Variants in BCL11B observed in about 807,000 individuals in gnomAD.
BCL11B encodes B-cell lymphoma/leukemia 11B.
A neutral mutation model predicts 49.9 loss-of-function variants in BCL11B; 8 were observed. The ratio of observed to expected loss-of-function variants is 0.16; its 90% CI spans 0.09 to 0.29. BCL11B has a LOEUF of 0.29. BCL11B is among the 10% of genes least tolerant of loss of function. The pLI is 1.00. For synonymous variants in BCL11B, 739 were observed against 637.4 expected, an observed-to-expected ratio of 1.16 and a Z score of -2.40; for missense variants, 1,006 against 1,351.0, an observed-to-expected ratio of 0.74 and a Z score of 4.00.
At chr14:99,185,666 A>AC (rs1267074136) in intron 3 of BCL11B, among the ~76,000 whole-genome samples, 1 of 151,836 alleles carries the variant, frequency 6.6e-6, no homozygotes, top group Admixed American at 6.5e-5. Flanking sequence ...GCAAATATAT[A>AC]CCCAAGAGCA....
At position 99,172,068 on chromosome 14, in the gene BCL11B, TACAC is replaced by T. The variant is rs945679368; in HGVS notation, c.*2079_*2082del. 12 of 217,218 alleles carry T rather than the reference TACAC, an allele frequency of 5.5e-5. No homozygotes were observed. Among genetic ancestry groups the T allele is most frequent in the Admixed American group, 2.3e-4 (4 of 17,226 alleles). 13.5% of individuals were successfully genotyped at this position (217,218 alleles called of 1,614,324 possible). ...AAAAAAAAGATCGCTCCAACACACA[TACAC>T]ACAATTTTTTTTTTACCCTTGTATG... is the stretch of plus-strand genomic sequence containing the variant. On this transcript the variant is annotated 3_prime_UTR_variant, in exon 4 of 4. Transcript: ENST00000357195.
In BCL11B at chr14:99,194,417, G is replaced by T. The variant is rs552446923; in HGVS notation, c.641-18222C>A. ...GGCAGGGCCAGGAAGATGCCTGTAG[G>T]CATGGCCAGAGCTCTGTCCTTCTCG... is the stretch of plus-strand genomic sequence containing the variant. On this transcript the variant is annotated intron_variant, in intron 3 of 3. Coordinates refer to ENST00000357195, the MANE Select transcript of BCL11B (RefSeq NM_138576.4). This position sits in a 1 kb window ranked among gnomAD's most constrained non-coding sequence, Gnocchi z 4.6. Among the ~76,000 whole-genome samples, 2 of 152,334 alleles carry T rather than the reference G, an allele frequency of 1.3e-5. No homozygotes were observed. The highest frequency in any genetic ancestry group is 4.1e-4 in the South Asian group (2 of 4,824).
At chr14:99,253,567 T>A (rs2139944177) in intron 2 of BCL11B, among the ~76,000 whole-genome samples, 1 of 152,150 alleles carries the variant, frequency 6.6e-6, no homozygotes, top group South Asian at 2.1e-4. Context: ...GCTCAGAAGG[T>A]CAAGTGGCTG....
rs1413533038 is a variant in BCL11B, at chr14:99,176,038, C to A, written c.798G>T (p.Pro266=). Residue 266 remains proline (P), a synonymous_variant, in exon 4 of 4, where the codon CCG becomes CCT. Coordinates refer to ENST00000357195, the MANE Select transcript of BCL11B (RefSeq NM_138576.4). ...CCACGGCCTCCGGCCCGAGCGGCGGCGGGATGGTGAGCCGCGGCGTGAGCG... is the reference window on the plus strand; with the variant it reads ...CCACGGCCTCCGGCCCGAGCGGCGGAGGGATGGTGAGCCGCGGCGTGAGCG... ...SSSLTPRLTI[P]PPLGPEAVAQ... The A allele has an allele frequency of 2.1e-5, 33 of 1,587,708 alleles. No homozygotes were observed. Among genetic ancestry groups the A allele is most frequent in the Non-Finnish European group, 2.8e-5 (33 of 1,167,016 alleles).
intron 3 of BCL11B, among the ~76,000 whole-genome samples, chr14:99,227,664 G>A (rs1286907850): frequency 6.6e-6 from 1 of 152,100 alleles, no homozygotes; most frequent in Non-Finnish European, 1.5e-5. Context: ...GTTTTCAAAT[G>A]TTGCATACAT....
chr14:99,199,728 A>T (rs919787063), intron 3 of BCL11B, among the ~76,000 whole-genome samples: 2 of 134,042 alleles, frequency 1.5e-5, no homozygotes, highest in African/African-American at 5.1e-5. Flanking sequence ...GTGCATGCAT[A>T]TGTGTGTGTG....
intron 2 of BCL11B, among the ~76,000 whole-genome samples, chr14:99,237,958 G>A (rs1351019695): frequency 6.6e-6 from 1 of 151,886 alleles, no homozygotes; most frequent in African/African-American, 2.4e-5. Flanking sequence ...GTTCACCAGG[G>A]GCCTCCAGGA....
At chr14:99,190,930 G>C (rs937205613) in intron 3 of BCL11B, among the ~76,000 whole-genome samples, 9 of 151,690 alleles carry the variant, frequency 5.9e-5, no homozygotes, top group African/African-American at 2.2e-4. Flanking sequence ...CCTCAAATTA[G>C]GGTCATCCTG....
In BCL11B at chr14:99,173,312, T is replaced by A. The variant is rs1886350249; in HGVS notation, c.*839A>T. The A allele has an allele frequency of 9.0e-6, 2 of 221,884 alleles. No individual in the cohort carries two copies. Among genetic ancestry groups the A allele is most frequent in the Non-Finnish European group, 1.8e-5 (2 of 110,934 alleles). 13.7% of individuals were successfully genotyped at this position (221,884 alleles called of 1,614,324 possible). A position where few individuals can be genotyped will look rare whatever the true frequency, so the allele number is the denominator to read the frequency against. Reference sequence around the variant, plus strand: ...AACCTCAGAATGCTGTCGGGCCATTTCCCAGAGGAGCCCTCCAAAAACCCT... The same window carrying A: ...AACCTCAGAATGCTGTCGGGCCATTACCCAGAGGAGCCCTCCAAAAACCCT... On this transcript the variant is annotated 3_prime_UTR_variant, in exon 4 of 4. Transcript: ENST00000357195.
intron 3 of BCL11B, among the ~76,000 whole-genome samples, chr14:99,225,668 A>C (rs1402132193): frequency 6.6e-6 from 1 of 152,240 alleles, no homozygotes; most frequent in East Asian, 1.9e-4. Flanking sequence ...AAAGAAAGAA[A>C]GAAAGAAACT....
intron 3 of BCL11B, among the ~76,000 whole-genome samples, chr14:99,198,346 A>C (rs1159288052): frequency 6.6e-6 from 1 of 152,242 alleles, no homozygotes; most frequent in Non-Finnish European, 1.5e-5. Flanking sequence ...AAGAACACAC[A>C]GACATCGAAC....
chr14:99,183,667 G>C (rs1207300030), intron 3 of BCL11B, among the ~76,000 whole-genome samples: 2 of 152,010 alleles, frequency 1.3e-5, no homozygotes, highest in African/African-American at 4.8e-5. Context: ...ACCCCAAATA[G>C]GGACCCACAT....
intron 2 of BCL11B, among the ~76,000 whole-genome samples, chr14:99,238,307 C>T (rs1372426144): frequency 2.0e-5 from 3 of 152,198 alleles, no homozygotes; most frequent in African/African-American, 7.2e-5. Context: ...GGAACATCCT[C>T]CCCAGCAGCT....
In BCL11B at chr14:99,175,265, G is replaced by C; in HGVS notation, c.1571C>G (p.Pro524Arg). The C allele has an allele frequency of 6.5e-7, 1 of 1,542,052 alleles. No individual in the cohort carries two copies. Among genetic ancestry groups the C allele is most frequent in the East Asian group, 2.4e-5 (1 of 40,958 alleles). The change falls in exon 4 of 4, where the codon CCG becomes CGG. Residue 524 changes from proline to arginine, a missense_variant. Pro to Arg is a moderately radical substitution (Grantham distance 103). This residue lies in a region of BCL11B where 443 missense variants were observed against 499.7 expected (regional missense o/e 0.89). Transcript: ENST00000357195. ...CTCCTCCGGCTCGTGGCCCAGCGAC[G>C]GGTCGCTCTCGTGGTGGCGGAAGTC... is the stretch of plus-strand genomic sequence containing the variant. ...DGDFRHHESD[P>R]SLGHEPEEED...
rs755873579 is a variant in BCL11B at position 99,175,692 on chromosome 14, G to A, written c.1144C>T (p.Pro382Ser). ...CGGTGCATAGGGTTGCCGCGGCCCG[G>A]GGACACGGGCGGCGGCGTGGAGCTG... ...GNSSTPPPVS[P>S]GRGNPMHRLL... Residue 382 changes from proline to serine, a missense_variant, in exon 4 of 4, where the codon CCG (proline) becomes TCG (serine). Transcript: ENST00000357195. 1.3e-6 allele frequency: 2 copies of A among 1,522,964 alleles called. No homozygotes were observed. Among genetic ancestry groups the A allele is most frequent in the South Asian group, 2.5e-5 (2 of 80,532 alleles). The allele number at this position is 1,522,964 out of a possible 1,614,324, so 94.3% of individuals were successfully genotyped here.
At position 99,174,902 on chromosome 14, in the gene BCL11B, G is replaced by GCGTCCC. The variant is rs1886430982; in HGVS notation, c.1928_1933dup (p.Gly643_Asp644dup). 1 of 1,090,924 alleles carries GCGTCCC rather than the reference G, an allele frequency of 9.2e-7. No homozygotes were observed. The highest frequency in any genetic ancestry group is 1.7e-5 in the African/African-American group (1 of 58,282). The allele number at this position is 1,090,924 out of a possible 1,614,324, so 67.6% of individuals were successfully genotyped here. A position where few individuals can be genotyped will look rare whatever the true frequency, so the allele number is the denominator to read the frequency against. On this transcript the variant is annotated inframe_insertion, in exon 4 of 4. Coordinates refer to ENST00000357195, the MANE Select transcript of BCL11B (RefSeq NM_138576.4). Reference sequence around the variant, plus strand: ...CCCGTTGACCGCGCCGCCCGCGCCCGCGTCCCCGCAGCCGCCCGCGTCGTC... The same window carrying GCGTCCC: ...CCCGTTGACCGCGCCGCCCGCGCCCGCGTCCCCGTCCCCGCAGCCGCCCGCGTCGTC...
chr14:99,231,438 G>C lies in BCL11B; in HGVS notation c.547C>G (p.Leu183Val). 3 of 1,596,734 alleles carry C rather than the reference G, an allele frequency of 1.9e-6. No homozygotes were observed. Among genetic ancestry groups the C allele is most frequent in the Non-Finnish European group, 2.6e-6 (3 of 1,171,192 alleles). ...ALGALPPCLP[L>V]PCCSARPVSG... ...ACCGGGCGCGCGCTGCAGCACGGCAGGGGGAGGCAGGGCGGGAGAGCGCCC... is the reference window on the plus strand; with the variant it reads ...ACCGGGCGCGCGCTGCAGCACGGCACGGGGAGGCAGGGCGGGAGAGCGCCC... The change falls in exon 3 of 4, where the codon CTG becomes GTG. Residue 183 changes from leucine to valine, a missense_variant. This residue lies in a region of BCL11B where 411 missense variants were observed against 542.2 expected (regional missense o/e 0.76). Transcript: ENST00000357195. This position sits in a 1 kb window ranked among gnomAD's most constrained non-coding sequence, Gnocchi z 8.1.
At chr14:99,229,429 G>A (rs899998674) in intron 3 of BCL11B, among the ~76,000 whole-genome samples, 48 of 152,246 alleles carry the variant, frequency 3.2e-4, no homozygotes, top group Non-Finnish European at 5.9e-4. Flanking sequence ...CAGAGGCAGC[G>A]TGGCTCCACA....
At chr14:99,183,260 G>A (rs17637919) in intron 3 of BCL11B, among the ~76,000 whole-genome samples, 10,655 of 152,212 alleles carry the variant, frequency 0.07, 467 homozygotes, top group Non-Finnish European at 0.097. Context: ...ACCATTGACC[G>A]AAGAAATAAG....
Sources: gnomAD v4.1 joint callset for allele counts (sites outside exome capture counted in the v4.1 genomes callset) on GRCh38, gnomAD v4.1.1 for gene constraint, gnomAD v4.1.1 regional missense constraint, Gnocchi (gnomAD v3.1) non-coding constraint, MANE v1.5 for transcripts, NCBI Gene and HGNC (gene_info 2026-07-23, HGNC 2026-07-21) for gene names.